Variants in PACS2 observed in about 807,000 individuals in gnomAD.
The protein encoded by PACS2 is phosphofurin acidic cluster sorting protein 2.
In PACS2, 36 loss-of-function variants were observed where a neutral mutation model predicts 113.0. The ratio of observed to expected loss-of-function variants is 0.32; its 90% CI spans 0.24 to 0.42. The LOEUF is 0.42. PACS2 is among the 10% of genes least tolerant of loss of function. The pLI is 1.00. For synonymous variants in PACS2, 589 were observed against 536.1 expected (o/e 1.10, Z -1.36); for missense variants, 1,015 against 1,239.5 (o/e 0.82, Z 2.72).
chr14:105,383,246 C>A, intron 15 of PACS2, 113 bp from the exon 16 acceptor site: 2 of 1,241,508 alleles, frequency 1.6e-6, no homozygotes, highest in Non-Finnish European at 2.3e-6. Flanking sequence ...GCAGTTGTGG[C>A]ATGAGCGGCC....
chr14:105,318,739 A>G (rs1462240846), intron 1 of PACS2, among the ~76,000 whole-genome samples: 1 of 150,110 alleles, frequency 6.7e-6, no homozygotes, highest in East Asian at 1.9e-4. Flanking sequence ...GCTCACTGCA[A>G]GCTCCGCCTC....
At chr14:105,385,889 C>T (rs184879533) in intron 19 of PACS2, among the ~76,000 whole-genome samples, 172 bp downstream of exon 19, 503 of 152,270 alleles carry the variant, frequency 3.3e-3, no homozygotes, top group Non-Finnish European at 5.4e-3. Flanking sequence ...GGGAAGTGGC[C>T]CCAACCCGAG....
chr14:105,348,782 G>T lies in PACS2; in HGVS notation c.207+202G>T. ...GTCCCGCACAAGGGAGGCAGGCCCG[G>T]CCTTCTGGGATGTGGAGGTCACATG... On this transcript the variant is annotated intron_variant, in intron 2 of 24. Coordinates refer to ENST00000447393, the MANE Select transcript of PACS2 (RefSeq NM_001100913.3). This position sits in a 1 kb window ranked among gnomAD's most constrained non-coding sequence, Gnocchi z 6.4. 1.8e-6 allele frequency: 1 copy of T among 554,802 alleles called. No individual in the cohort carries two copies. Among genetic ancestry groups the T allele is most frequent in the Non-Finnish European group, 3.2e-6 (1 of 308,460 alleles). 34.4% of individuals were successfully genotyped at this position (554,802 alleles called of 1,614,324 possible). A position where few individuals can be genotyped will look rare whatever the true frequency, so the allele number is the denominator to read the frequency against.
chr14:105,320,276 G>A (rs1424498814), intron 1 of PACS2, among the ~76,000 whole-genome samples: 3 of 152,210 alleles, frequency 2.0e-5, no homozygotes, highest in South Asian at 2.1e-4. Context: ...ATGCCTGGCC[G>A]TAAATTGATT....
At position 105,369,763 on chromosome 14, in the gene PACS2, C is replaced by G. The variant is rs1224455233; in HGVS notation, c.742-78C>G. On this transcript the variant is annotated intron_variant, in intron 7 of 24. Transcript: ENST00000447393. ...CTCCCACGGCGGGCCTGGGTGCGGCCTGGGCCTGAGGAAGGGGCTCCAGCG... is the reference window on the plus strand; with the variant it reads ...CTCCCACGGCGGGCCTGGGTGCGGCGTGGGCCTGAGGAAGGGGCTCCAGCG... 3 of 1,317,762 alleles carry G rather than the reference C, an allele frequency of 2.3e-6. No individual in the cohort carries two copies. In the African/African-American group the frequency reaches 4.4e-5, roughly 19 times the overall value. 81.6% of individuals were successfully genotyped at this position (1,317,762 alleles called of 1,614,324 possible).
intron 16 of PACS2, chr14:105,384,136 T>C: frequency 1.8e-6 from 1 of 545,920 alleles, no homozygotes; most frequent in Non-Finnish European, 3.3e-6. Context: ...CTCAGGGCTC[T>C]GGGACCTCAG....
rs782260838 is a variant in PACS2 at position 105,382,014 on chromosome 14, G to C, written c.1369G>C (p.Glu457Gln). ...QNERANSLDN[E>Q]RCPDARSQLQ... ...TGAGCGGGCCAACAGCCTGGACAAC[G>C]AGCGCTGCCCGGACGCCCGGAGCCA... The change falls in exon 13 of 25, where the codon GAG becomes CAG. Residue 457 changes from glutamate to glutamine, a missense_variant. This residue lies in a region of PACS2 where 859 missense variants were observed against 1,056.8 expected (regional missense o/e 0.81). Coordinates refer to ENST00000447393, the MANE Select transcript of PACS2 (RefSeq NM_001100913.3). The C allele has an allele frequency of 3.9e-6, 6 of 1,549,896 alleles. No homozygotes were observed. The highest frequency in any genetic ancestry group is 5.2e-6 in the Non-Finnish European group (6 of 1,147,234).
In PACS2 at chr14:105,356,439, G is replaced by A. The variant is rs587679814; in HGVS notation, c.423+1262G>A. ...AAACCACGGACAGCACGGGTGGACCGGGCCTCCAGGCTGCACTTCCCAGGG... is the reference window on the plus strand; with the variant it reads ...AAACCACGGACAGCACGGGTGGACCAGGCCTCCAGGCTGCACTTCCCAGGG... On this transcript the variant is annotated intron_variant, in intron 4 of 24. Transcript: ENST00000447393. This position sits in a 1 kb window ranked among gnomAD's most constrained non-coding sequence, Gnocchi z 4.0. Among the ~76,000 whole-genome samples, 6 of 152,262 alleles carry A rather than the reference G, an allele frequency of 3.9e-5. No individual in the cohort carries two copies. The highest frequency in any genetic ancestry group is 4.8e-5 in the African/African-American group (2 of 41,552).
In PACS2 at chr14:105,394,740, T is replaced by C; in HGVS notation, c.*68T>C. On this transcript the variant is annotated 3_prime_UTR_variant, in exon 25 of 25. Coordinates refer to ENST00000447393, the MANE Select transcript of PACS2 (RefSeq NM_001100913.3). Reference sequence around the variant, plus strand: ...GGGCCCAGCTGCATTTCTGTTAACATTTCAGTTTACTACAGAGACAGACGC... The same window carrying C: ...GGGCCCAGCTGCATTTCTGTTAACACTTCAGTTTACTACAGAGACAGACGC... 1 of 991,512 alleles carries C rather than the reference T, an allele frequency of 1.0e-6. No homozygotes were observed. Among genetic ancestry groups the C allele is most frequent in the East Asian group, 2.4e-5 (1 of 41,838 alleles). 61.4% of individuals were successfully genotyped at this position (991,512 alleles called of 1,614,324 possible).
At chr14:105,312,925 G>C (rs985198637), upstream of PACS2, among the ~76,000 whole-genome samples, 2 of 152,166 alleles carry the variant, frequency 1.3e-5, no homozygotes, top group African/African-American at 4.8e-5. Context: ...CAGACTGTGT[G>C]GGTCATATCC....
At position 105,343,145 on chromosome 14, in the gene PACS2, A is replaced by G. The variant is rs77813222; in HGVS notation, c.120-5348A>G. On this transcript the variant is annotated intron_variant, in intron 1 of 24. Transcript: ENST00000447393. Reference sequence around the variant, plus strand: ...TTCCAGAGTGCCATAGAGATGGACAAAAATGGTGTGTGCCCTCTTGACACG... The same window carrying G: ...TTCCAGAGTGCCATAGAGATGGACAGAAATGGTGTGTGCCCTCTTGACACG... 7.9e-4 allele frequency among the ~76,000 whole-genome samples: 120 copies of G among 152,242 alleles called. 1 individual carries two copies. In the East Asian group the frequency reaches 0.015, roughly 20 times the overall value.
chr14:105,314,818 A>C lies in PACS2; in HGVS notation c.-101A>C, dbSNP rs1274334390. ...CCGTCCCCTCCGCCGCCCGGCAGCCATGTGACCGCGCCGCCGCCCTCCGCG... is the reference window on the plus strand; with the variant it reads ...CCGTCCCCTCCGCCGCCCGGCAGCCCTGTGACCGCGCCGCCGCCCTCCGCG... On this transcript the variant is annotated 5_prime_UTR_variant, in exon 1 of 25. It removes an upstream start codon present in the reference 5' UTR. Transcript: ENST00000447393. 2 of 323,810 alleles carry C rather than the reference A, an allele frequency of 6.2e-6. No homozygotes were observed. The highest frequency in any genetic ancestry group is 8.7e-6 in the Non-Finnish European group (2 of 231,008). The allele number at this position is 323,810 out of a possible 1,614,324, so 20.1% of individuals were successfully genotyped here.
chr14:105,378,388 C>T (rs2080860772), intron 9 of PACS2, among the ~76,000 whole-genome samples: 2 of 152,170 alleles, frequency 1.3e-5, no homozygotes, highest in South Asian at 2.1e-4. Context: ...TGCTAAGTCC[C>T]GTCTGTTTTT....
intron 1 of PACS2, among the ~76,000 whole-genome samples, chr14:105,342,374 C>T (rs1268718087): frequency 6.6e-6 from 1 of 151,894 alleles, no homozygotes; most frequent in African/African-American, 2.4e-5. Flanking sequence ...CTCAGGTGAT[C>T]CTCCCACCTC....
In PACS2 at chr14:105,367,374, G is replaced by T; in HGVS notation, c.585G>T (p.Thr195=). 6.2e-7 allele frequency: 1 copy of T among 1,612,730 alleles called. No individual in the cohort carries two copies. The highest frequency in any genetic ancestry group is 8.5e-7 in the Non-Finnish European group (1 of 1,179,624). ...AGGCCGGCCCCAAGGCCAAGTCCAC[G>T]GGTGAGTGTGGTGCCAGCCCGCTCC... The part of the protein sequence containing the change: ...TMQAGPKAKS[T]DNYSEEEYES... The change falls in exon 5 of 25, where the codon ACG becomes ACT. Residue 195 remains threonine (T), a splice_region_variant and synonymous_variant. Transcript: ENST00000447393.
rs372438559 is a variant in PACS2, at chr14:105,391,739, C to T, written c.2228C>T (p.Ser743Leu). 2.4e-5 allele frequency: 39 copies of T among 1,595,920 alleles called. No individual in the cohort carries two copies. The highest frequency in any genetic ancestry group is 1.7e-4 in the Middle Eastern group (1 of 6,032). ...TCACCCACCCCGCCCTCCTCCCCGTCGGTGAGCGGAGGCCTGTCCTCCCCC... is the reference window on the plus strand; with the variant it reads ...TCACCCACCCCGCCCTCCTCCCCGTTGGTGAGCGGAGGCCTGTCCTCCCCC... ...EASPTPPSSP[S>L]VSGGLSSPSQ... Residue 743 changes from serine (S) to leucine (L), a missense_variant, in exon 22 of 25, where the codon TCG (serine) becomes TTG (leucine). By Grantham distance (145) the Ser-to-Leu change is moderately radical (BLOSUM62 -2). Transcript: ENST00000447393.
In PACS2 at chr14:105,396,784, T is replaced by G. The variant is rs1379763104; in HGVS notation, c.*2112T>G. On this transcript the variant is annotated 3_prime_UTR_variant, in exon 25 of 25. Transcript: ENST00000447393. ...TCCCAAAGTGCTGGGATTACAGGCG[T>G]GAGTCACCGCGTCCTGCCTGCTCTT... The G allele has an allele frequency of 2.0e-5, 3 of 152,402 alleles. No individual in the cohort carries two copies. Among genetic ancestry groups the G allele is most frequent in the African/African-American group, 7.2e-5 (3 of 41,456 alleles). The allele number at this position is 152,402 out of a possible 1,614,324, so 9.4% of individuals were successfully genotyped here.
At position 105,362,262 on chromosome 14, in the gene PACS2, T is replaced by A. The variant is rs587624187; in HGVS notation, c.424-4951T>A. 3.5e-3 allele frequency among the ~76,000 whole-genome samples: 507 copies of A among 144,688 alleles called. 6 individuals are homozygous for A. Among genetic ancestry groups the A allele is most frequent in the African/African-American group, 0.013 (490 of 38,440 alleles). 94.9% of individuals were successfully genotyped at this position (144,688 alleles called of 152,430 possible). The stretch of plus-strand genomic sequence containing the variant: ...TGAAACACCGTCTCTACTGAAAATA[T>A]AAAAAATTAGCTGGGCGTGGTGGCG... On this transcript the variant is annotated intron_variant, in intron 4 of 24. Coordinates refer to ENST00000447393, the MANE Select transcript of PACS2 (RefSeq NM_001100913.3).
At chr14:105,380,921 T>G (rs782514583) in intron 11 of PACS2, 36 bp from the exon 12 acceptor site, 1 of 1,582,110 alleles carries the variant, frequency 6.3e-7, no homozygotes, top group Non-Finnish European at 8.6e-7. Context: ...GGGTGTGGTT[T>G]CCACGGGAGG....
Sources: gnomAD v4.1 joint callset for allele counts (sites outside exome capture counted in the v4.1 genomes callset) on GRCh38, gnomAD v4.1.1 for gene constraint, gnomAD v4.1.1 regional missense constraint, Gnocchi (gnomAD v3.1) non-coding constraint, MANE v1.5 for transcripts, NCBI Gene and HGNC (gene_info 2026-07-23, HGNC 2026-07-21) for gene names.